ME3: variants seen among roughly 807,000 people sequenced by gnomAD.
ME3 encodes malic enzyme 3.
A neutral mutation model predicts 68.9 loss-of-function variants in ME3; 48 were observed. The ratio of observed to expected loss-of-function variants is 0.70; its 90% CI spans 0.55 to 0.89. ME3 has a LOEUF of 0.89. ME3 is among the 40% of genes least tolerant of loss of function. The probability of loss-of-function intolerance (pLI) is 0.00; values close to 1 mark genes in which losing one functional copy is unlikely to be tolerated. For missense variants in ME3, 675 were observed against 797.4 expected, an observed-to-expected ratio of 0.85 and a Z score of 1.85; for synonymous variants, 320 against 318.8, an observed-to-expected ratio of 1.00 and a Z score of -0.04.
At chr11:86,450,188 G>T in intron 9 of ME3, 113 bp downstream of exon 9, 2 of 1,100,914 alleles carry the variant, frequency 1.8e-6, no homozygotes, top group Non-Finnish European at 1.4e-6. Flanking sequence ...ATCACAATAT[G>T]TCTGTGCTGC....
chr11:86,455,541 A>C (rs750639960), intron 8 of ME3, among the ~76,000 whole-genome samples: 1 of 152,204 alleles, frequency 6.6e-6, no homozygotes, highest in African/African-American at 2.4e-5. Context: ...ATCAGTATCA[A>C]CCTACCTCTG....
At chr11:86,640,345 A>G (rs1018247445) in intron 2 of ME3, among the ~76,000 whole-genome samples, 18 of 152,252 alleles carry the variant, frequency 1.2e-4, no homozygotes, top group African/African-American at 3.1e-4. Context: ...AAGGCTAGGC[A>G]GCCTCTGACT....
At chr11:86,542,067 C>T (rs1208044473) in intron 4 of ME3, among the ~76,000 whole-genome samples, 1 of 152,166 alleles carries the variant, frequency 6.6e-6, no homozygotes, top group East Asian at 1.9e-4. Context: ...AGGGGCCTGA[C>T]TGTTAGAAGG....
chr11:86,524,049 G>A (rs938381678), intron 4 of ME3, among the ~76,000 whole-genome samples: 2 of 152,112 alleles, frequency 1.3e-5, no homozygotes, highest in African/African-American at 4.8e-5. Flanking sequence ...ATAATCAGAG[G>A]CTTTAGGCCC....
intron 2 of ME3, among the ~76,000 whole-genome samples, chr11:86,578,224 G>T (rs1958228374): frequency 6.6e-6 from 1 of 152,072 alleles, no homozygotes. Context: ...AAATAATACT[G>T]TTCTTGGCAC....
At chr11:86,594,082 TA>T (rs1166199706) in intron 2 of ME3, among the ~76,000 whole-genome samples, 1 of 146,364 alleles carries the variant, frequency 6.8e-6, no homozygotes, top group Non-Finnish European at 1.5e-5. Context: ...GGAAACAAAG[TA>T]AAAAAACAGA....
intron 2 of ME3, among the ~76,000 whole-genome samples, chr11:86,588,997 A>G (rs1958899452): frequency 6.6e-6 from 1 of 152,132 alleles, no homozygotes; most frequent in African/African-American, 2.4e-5. Context: ...TGCACTCTGC[A>G]CCACTGGGGA....
intron 2 of ME3, among the ~76,000 whole-genome samples, chr11:86,644,939 C>T (rs965293581): frequency 5.3e-5 from 8 of 152,286 alleles, no homozygotes; most frequent in African/African-American, 1.7e-4. Context: ...GGCATCGCCT[C>T]ACCTGGGAAG....
chr11:86,436,132 A>T (rs1284002251), downstream of ME3: 2 of 152,144 alleles, frequency 1.3e-5, no homozygotes, highest in Non-Finnish European at 2.9e-5. Flanking sequence ...AAGGCAAGGG[A>T]ACTCTCCCTT....
At chr11:86,497,878 A>G in intron 6 of ME3, 85 bp downstream of exon 6, 1 of 1,426,144 alleles carries the variant, frequency 7.0e-7, no homozygotes, top group Non-Finnish European at 9.5e-7. Flanking sequence ...TGCTGTGTAG[A>G]TATAACCACC....
downstream of ME3, among the ~76,000 whole-genome samples, chr11:86,439,922 T>G (rs1948926390): frequency 6.6e-6 from 1 of 152,128 alleles, no homozygotes; most frequent in Admixed American, 6.5e-5. Flanking sequence ...TCTGAATAGT[T>G]TTTCATTCTC....
rs149761088 is a variant in ME3 at position 86,660,102 on chromosome 11, G to T, written c.183+11660C>A. The stretch of plus-strand genomic sequence containing the variant: ...TAAGCTTCTCTCAGGCAAATGTCTA[G>T]ATTATCCAGGCTTAAGCTCTATCCA... On this transcript the variant is annotated intron_variant, in intron 2 of 14. Transcript: ENST00000543262. Among the ~76,000 whole-genome samples, 1,336 of 152,286 alleles carry T rather than the reference G, an allele frequency of 8.8e-3. 27 individuals carry two copies. Among genetic ancestry groups the T allele is most frequent in the African/African-American group, 0.03 (1,249 of 41,548 alleles).
At chr11:86,595,762 T>A (rs1189202286) in intron 2 of ME3, among the ~76,000 whole-genome samples, 1 of 152,206 alleles carries the variant, frequency 6.6e-6, no homozygotes, top group Non-Finnish European at 1.5e-5. Flanking sequence ...GGTTGATGTG[T>A]AAGAGGCAAG....
At chr11:86,551,066 C>A (rs1053286402) in intron 4 of ME3, among the ~76,000 whole-genome samples, 2 of 151,900 alleles carry the variant, frequency 1.3e-5, no homozygotes, top group African/African-American at 4.8e-5. Context: ...GCATACCAGA[C>A]ATATTGAGCG....
intron 2 of ME3, among the ~76,000 whole-genome samples, chr11:86,591,284 T>G (rs765187719): frequency 6.6e-6 from 1 of 152,262 alleles, no homozygotes. Flanking sequence ...GCCCCTGTTA[T>G]GGGCTGAATT....
In ME3 at chr11:86,555,762, C is replaced by T. The variant is rs139260221; in HGVS notation, c.467+791G>A. ...CCATGATTACATGTTCCCCATAAAA[C>T]GCGTGATTTACAAACACTAACTTAT... is the stretch of plus-strand genomic sequence containing the variant. On this transcript the variant is annotated intron_variant, in intron 4 of 14. Coordinates refer to ENST00000543262, the Ensembl canonical transcript of ME3. Among the ~76,000 whole-genome samples the T allele has an allele frequency of 9.2e-5, 14 of 152,266 alleles. 1 individual carries two copies. The highest frequency in any genetic ancestry group is 2.0e-4 in the Admixed American group (3 of 15,298).
chr11:86,498,203 C>G (rs1952489574), intron 5 of ME3, 79 bp from the exon 6 acceptor site: 2 of 1,497,534 alleles, frequency 1.3e-6, no homozygotes, highest in African/African-American at 2.8e-5. Flanking sequence ...CCCAGCCCAT[C>G]AGGCTTGGCG....
intron 2 of ME3, among the ~76,000 whole-genome samples, chr11:86,657,031 T>G (rs1328463143): frequency 6.6e-6 from 1 of 152,162 alleles, no homozygotes; most frequent in Non-Finnish European, 1.5e-5. Context: ...GAGTGCAAAT[T>G]AATTTAACCA....
intron 8 of ME3, 64 bp from the exon 9 acceptor site, chr11:86,450,462 T>C: frequency 2.2e-6 from 3 of 1,378,672 alleles, no homozygotes; most frequent in Non-Finnish European, 3.1e-6. Flanking sequence ...GAGAAGACCC[T>C]TGGCAGAGTT....
Sources: allele counts gnomAD v4.1 joint callset (sites outside exome capture counted in the v4.1 genomes callset), GRCh38; gene constraint gnomAD v4.1.1; transcripts MANE v1.5; gene names NCBI Gene and HGNC (gene_info 2026-07-23, HGNC 2026-07-21).